Variants in ADAMTS17 observed in about 807,000 individuals in gnomAD.
The protein encoded by ADAMTS17 is ADAM metallopeptidase with thrombospondin type 1 motif 17, also known as A disintegrin and metalloproteinase with thrombospondin motifs 17.
ADAMTS17 carries 113 observed loss-of-function variants against 141.5 expected under a neutral mutation model. The ratio of observed to expected loss-of-function variants is 0.80; its 90% CI spans 0.69 to 0.93. ADAMTS17 has a LOEUF of 0.93. Ranked by LOEUF, ADAMTS17 falls within the 40% of genes least tolerant of loss-of-function variation. ADAMTS17 has a pLI of 0.00. For synonymous variants in ADAMTS17, 768 were observed against 630.6 expected (o/e 1.22, Z -3.27); for missense variants, 1,659 against 1,517.9 (o/e 1.09, Z -1.54).
intron 13 of ADAMTS17, among the ~76,000 whole-genome samples, chr15:100,112,863 G>A (rs1357356213): frequency 2.6e-5 from 4 of 151,962 alleles, no homozygotes; most frequent in African/African-American, 4.8e-5. Context: ...TGGGAACCAC[G>A]TGGTCACATG....
chr15:100,103,858 G>A (rs781081099), intron 14 of ADAMTS17, among the ~76,000 whole-genome samples: 5 of 152,154 alleles, frequency 3.3e-5, no homozygotes. Flanking sequence ...TTATAGGCAT[G>A]AGCCACTGCA....
At chr15:100,060,286 G>T (rs2033013516) in intron 15 of ADAMTS17, among the ~76,000 whole-genome samples, 1 of 152,250 alleles carries the variant, frequency 6.6e-6, no homozygotes, top group African/African-American at 2.4e-5. Flanking sequence ...CTTCTGTGGG[G>T]CACCACACGG....
intron 8 of ADAMTS17, among the ~76,000 whole-genome samples, chr15:100,177,429 T>G (rs1596195071): frequency 6.6e-6 from 1 of 152,226 alleles, no homozygotes; most frequent in Non-Finnish European, 1.5e-5. Flanking sequence ...TGTTATTTAA[T>G]TTTCAAGTGT....
intron 8 of ADAMTS17, among the ~76,000 whole-genome samples, chr15:100,193,430 G>A (rs960208788): frequency 2.0e-5 from 3 of 152,116 alleles, no homozygotes; most frequent in African/African-American, 7.2e-5. Context: ...GCTCAGCACT[G>A]GGGGAGACCC....
At chr15:100,320,058 A>G (rs7167941) in intron 3 of ADAMTS17, among the ~76,000 whole-genome samples, 4,097 of 152,256 alleles carry the variant, frequency 0.027, 97 homozygotes, top group African/African-American at 0.056. Context: ...TATTGAATAT[A>G]ATTGCGAAAA....
At chr15:100,267,139 T>G (rs11634485) in intron 4 of ADAMTS17, among the ~76,000 whole-genome samples, 2 of 151,632 alleles carry the variant, frequency 1.3e-5, no homozygotes, top group African/African-American at 4.8e-5. Flanking sequence ...TCTATACTCA[T>G]GAAACACTAA....
Position 100,096,379 on chromosome 15 carries a change from T to C in ADAMTS17, c.2114A>G (p.Asp705Gly), listed in dbSNP as rs1251809488. 3.1e-6 allele frequency: 5 copies of C among 1,613,886 alleles called. No individual in the cohort carries two copies. Among genetic ancestry groups the C allele is most frequent in the Non-Finnish European group, 4.2e-6 (5 of 1,180,046 alleles). ...DGKTCHLVKG[D>G]FSHARGTALK... ...ACCTGTCCCCCGGGCGTGGCTGAAG[T>C]CGCCCTTCACCAAGTGGCAGGTCTT... Residue 705 changes from aspartate (D) to glycine (G), a missense_variant, in exon 15 of 22, where the codon GAC becomes GGC. Transcript: ENST00000268070.
At chr15:100,000,188 C>A (rs189861863) in intron 18 of ADAMTS17, among the ~76,000 whole-genome samples, 3 of 152,278 alleles carry the variant, frequency 2.0e-5, no homozygotes, top group East Asian at 3.9e-4. Flanking sequence ...CATGAGCCTC[C>A]CATCTCAGCA....
At chr15:100,204,323 A>G (rs1399077672) in intron 7 of ADAMTS17, among the ~76,000 whole-genome samples, 1 of 152,226 alleles carries the variant, frequency 6.6e-6, no homozygotes, top group Non-Finnish European at 1.5e-5. Context: ...GAGATGGCTC[A>G]GTTTTTCCCA....
intron 15 of ADAMTS17, among the ~76,000 whole-genome samples, chr15:100,085,258 A>G (rs28829585): frequency 0.1 from 15,708 of 152,038 alleles, 1,194 homozygotes; most frequent in African/African-American, 0.22. Context: ...TGGAAGATGA[A>G]AGAATGAAAT....
At chr15:100,267,385 C>T (rs1316529816) in intron 4 of ADAMTS17, among the ~76,000 whole-genome samples, 1 of 152,184 alleles carries the variant, frequency 6.6e-6, no homozygotes, top group African/African-American at 2.4e-5. Flanking sequence ...TGCCAATGGA[C>T]ACCTTGGCTG....
intron 20 of ADAMTS17, 111 bp downstream of exon 20, chr15:99,992,937 G>C (rs1344878953): frequency 7.2e-7 from 1 of 1,384,924 alleles, no homozygotes; most frequent in East Asian, 2.4e-5. Flanking sequence ...AATTTGCCTA[G>C]TTACGCTGGG....
At chr15:100,225,939 G>GC (rs1426967283) in intron 7 of ADAMTS17, among the ~76,000 whole-genome samples, 4 of 143,716 alleles carry the variant, frequency 2.8e-5, no homozygotes, top group East Asian at 2.0e-4. Flanking sequence ...CGGTCTCTGT[G>GC]CCATTCAGTC....
intron 7 of ADAMTS17, among the ~76,000 whole-genome samples, chr15:100,250,730 G>A (rs780490256): frequency 1.3e-5 from 2 of 152,194 alleles, no homozygotes; most frequent in South Asian, 2.1e-4. Flanking sequence ...GCCTGATTAA[G>A]AGCTGTAGTC....
chr15:100,282,350 C>T (rs1013676444), intron 3 of ADAMTS17, among the ~76,000 whole-genome samples: 6 of 152,240 alleles, frequency 3.9e-5, no homozygotes, highest in South Asian at 2.1e-4. Flanking sequence ...CTGGATACAG[C>T]AGGCCCTCTT....
chr15:100,185,927 G>T (rs912735768), intron 8 of ADAMTS17, among the ~76,000 whole-genome samples: 2 of 152,162 alleles, frequency 1.3e-5, no homozygotes, highest in African/African-American at 4.8e-5. Flanking sequence ...CATTTCCGAA[G>T]ATGAGGCTGG....
intron 18 of ADAMTS17, among the ~76,000 whole-genome samples, chr15:100,014,243 T>G (rs2061244427): frequency 6.6e-6 from 1 of 152,254 alleles, no homozygotes; most frequent in Non-Finnish European, 1.5e-5. Context: ...TCCTATTTTA[T>G]TTCTTAATGA....
Position 100,068,945 on chromosome 15 carries a change from G to C in ADAMTS17, c.2138-14891C>G, listed in dbSNP as rs112374852. ...AGGCTTCAGATGATCAAACTACTCC[G>C]AGCTAAAGGAGGAAGTTGAAACCTA... On this transcript the variant is annotated intron_variant, in intron 15 of 21. Coordinates refer to ENST00000268070, the MANE Select transcript of ADAMTS17 (RefSeq NM_139057.4). 4.6e-5 allele frequency among the ~76,000 whole-genome samples: 7 copies of C among 152,256 alleles called. 1 individual carries two copies. The highest frequency in any genetic ancestry group is 1.7e-4 in the African/African-American group (7 of 41,560).
chr15:99,987,174 A>C (rs1325904581), intron 20 of ADAMTS17, among the ~76,000 whole-genome samples: 1 of 152,228 alleles, frequency 6.6e-6, no homozygotes, highest in African/African-American at 2.4e-5. Context: ...CCTTGGAAAC[A>C]GTCTCATCTT....
Sources: gnomAD v4.1 joint callset for allele counts (sites outside exome capture counted in the v4.1 genomes callset) on GRCh38, gnomAD v4.1.1 for gene constraint, MANE v1.5 for transcripts, NCBI Gene and HGNC (gene_info 2026-07-23, HGNC 2026-07-21) for gene names.